Variants in SRP54 observed in about 807,000 individuals in gnomAD.
The protein encoded by SRP54 is signal recognition particle subunit SRP54.
Under a neutral mutation model 64.8 loss-of-function variants are expected in SRP54, and 10 were observed. The ratio of observed to expected loss-of-function variants is 0.15; its 90% CI spans 0.10 to 0.26. The LOEUF (loss-of-function observed/expected upper bound fraction) is 0.26, where lower values mean the gene tolerates loss of function less well. Among genes scored for constraint, SRP54 ranks in the 10% least tolerant of loss-of-function variants. The probability of loss-of-function intolerance (pLI) is 1.00; values close to 1 mark genes in which losing one functional copy is unlikely to be tolerated. For synonymous variants in SRP54, 193 were observed against 185.6 expected (o/e 1.04, Z -0.32); for missense variants, 325 against 613.7 (o/e 0.53, Z 4.97).
intron 1 of SRP54, among the ~76,000 whole-genome samples, chr14:34,988,211 T>C (rs1255095300): frequency 6.6e-6 from 1 of 152,070 alleles, no homozygotes; most frequent in Non-Finnish European, 1.5e-5. Flanking sequence ...AGATTCAGCA[T>C]GAAAAACAGT....
chr14:35,008,044 C>T (rs1323489659), intron 5 of SRP54, among the ~76,000 whole-genome samples: 2 of 151,926 alleles, frequency 1.3e-5, no homozygotes, highest in South Asian at 2.1e-4. Context: ...TTTACTTTAT[C>T]CTCTATGGCT....
chr14:35,000,070 G>C (rs1352946331), intron 3 of SRP54, among the ~76,000 whole-genome samples: 1 of 151,894 alleles, frequency 6.6e-6, no homozygotes, highest in Non-Finnish European at 1.5e-5. Context: ...TGGTTTCTCT[G>C]TTTCATATTT....
chr14:35,028,621 A>T (rs1018562353), intron 15 of SRP54, among the ~76,000 whole-genome samples: 2 of 152,246 alleles, frequency 1.3e-5, no homozygotes, highest in African/African-American at 4.8e-5. Context: ...GATAATATAT[A>T]TGAAGACATT....
intron 3 of SRP54, 35 bp from the exon 4 acceptor site, chr14:35,000,898 TCTC>T (rs1332837448): frequency 8.4e-7 from 1 of 1,194,114 alleles, no homozygotes; most frequent in Non-Finnish European, 1.2e-6. Flanking sequence ...TAACTGATTT[TCTC>T]CTCCCCACCC....
At chr14:35,007,499 A>T (rs1249979545) in intron 5 of SRP54, 112 bp downstream of exon 5, 2 of 285,530 alleles carry the variant, frequency 7.0e-6, no homozygotes, top group Non-Finnish European at 1.3e-5. Flanking sequence ...TGAAATATAT[A>T]TTTTATTAAT....
At chr14:34,998,950 G>A (rs1284719648) in intron 2 of SRP54, among the ~76,000 whole-genome samples, 1 of 137,626 alleles carries the variant, frequency 7.3e-6, no homozygotes, top group East Asian at 2.2e-4. Context: ...CTTGAATATT[G>A]TCTTTATTAT....
At chr14:34,993,521 A>C (rs2044016038) in intron 1 of SRP54, 1 of 151,982 alleles carries the variant, frequency 6.6e-6, no homozygotes, top group Non-Finnish European at 1.5e-5. Context: ...ATTGTACTTG[A>C]GTGAAAGTGT....
chr14:35,013,525 C>G (rs1341160467), intron 9 of SRP54, 31 bp downstream of exon 9: 3 of 1,604,076 alleles, frequency 1.9e-6, no homozygotes, highest in Admixed American at 1.7e-5. Context: ...TGTCCTCTGT[C>G]TTGGGATTAT....
At chr14:35,008,264 A>G (rs1392084459) in intron 5 of SRP54, among the ~76,000 whole-genome samples, 1 of 152,244 alleles carries the variant, frequency 6.6e-6, no homozygotes, top group African/African-American at 2.4e-5. Flanking sequence ...TGTCTCAACA[A>G]TATTACAAGA....
chr14:35,017,380 G>T (rs1188634464), intron 11 of SRP54, among the ~76,000 whole-genome samples: 2 of 152,124 alleles, frequency 1.3e-5, no homozygotes, highest in East Asian at 3.8e-4. Context: ...ATATTTAAGT[G>T]TTTTCTGCCT....
At chr14:35,024,128 A>G (rs2044581259) in intron 14 of SRP54, among the ~76,000 whole-genome samples, 1 of 152,114 alleles carries the variant, frequency 6.6e-6, no homozygotes, top group Non-Finnish European at 1.5e-5. Flanking sequence ...CCCAGGCTCA[A>G]ACAATTCTCC....
At chr14:34,987,085 A>G (rs2043906676) in intron 1 of SRP54, among the ~76,000 whole-genome samples, 1 of 150,642 alleles carries the variant, frequency 6.6e-6, no homozygotes, top group Non-Finnish European at 1.5e-5. Flanking sequence ...ACAAAAAATT[A>G]GCCGAGCATG....
At chr14:35,013,609 T>C in intron 9 of SRP54, 115 bp downstream of exon 9, 1 of 1,292,594 alleles carries the variant, frequency 7.7e-7, no homozygotes, top group South Asian at 1.5e-5. Context: ...CCTAATATGG[T>C]TTATAAAGAA....
Position 35,029,148 on chromosome 14 carries a change from T to A in SRP54, c.1511T>A (p.Met504Lys). The change falls in exon 16 of 16, where the codon ATG becomes AAG. Residue 504 changes from methionine to lysine, a missense_variant. Physicochemically the swap from Met to Lys is moderately conservative, Grantham distance 95. Coordinates refer to ENST00000216774, the MANE Select transcript of SRP54 (RefSeq NM_003136.4). ...AAAGGCATGATGGGATTCAATAATATGTAAAGAAAATGCCTTAATATAAAC... is the reference window on the plus strand; with the variant it reads ...AAAGGCATGATGGGATTCAATAATAAGTAAAGAAAATGCCTTAATATAAAC... The part of the protein sequence containing the change: ...NMKGMMGFNN[M>K] The A allele has an allele frequency of 6.2e-7, 1 of 1,613,428 alleles. No homozygotes were observed. The highest frequency in any genetic ancestry group is 8.5e-7 in the Non-Finnish European group (1 of 1,179,638).
At chr14:35,000,147 A>T (rs1380246906) in intron 3 of SRP54, among the ~76,000 whole-genome samples, 1 of 152,192 alleles carries the variant, frequency 6.6e-6, no homozygotes, top group Non-Finnish European at 1.5e-5. Flanking sequence ...AGTTGGTAGG[A>T]CACACAGAGC....
intron 4 of SRP54, among the ~76,000 whole-genome samples, chr14:35,002,715 A>T (rs113020664): frequency 0.038 from 5,506 of 144,404 alleles, 105 homozygotes; most frequent in Middle Eastern, 0.073. Context: ...GACTACAACC[A>T]TGAGTCACTG....
At chr14:34,986,347 CTG>C (rs2138955567) in intron 1 of SRP54, among the ~76,000 whole-genome samples, 1 of 152,176 alleles carries the variant, frequency 6.6e-6, no homozygotes, top group East Asian at 1.9e-4. Flanking sequence ...TTGTGTTAAA[CTG>C]TTATATTTGA....
intron 1 of SRP54, among the ~76,000 whole-genome samples, chr14:34,995,632 A>G (rs976710836): frequency 6.6e-6 from 1 of 152,188 alleles, no homozygotes; most frequent in African/African-American, 2.4e-5. Context: ...TAATACTTTT[A>G]TAAAACAGTA....
At chr14:35,016,096 T>C (rs2044434328) in intron 11 of SRP54, among the ~76,000 whole-genome samples, 1 of 152,184 alleles carries the variant, frequency 6.6e-6, no homozygotes, top group South Asian at 2.1e-4. Context: ...ACCTCCTAAA[T>C]ATCTCCATTC....
Sources: allele counts gnomAD v4.1 joint callset (sites outside exome capture counted in the v4.1 genomes callset), GRCh38; gene constraint gnomAD v4.1.1; transcripts MANE v1.5; gene names NCBI Gene and HGNC (gene_info 2026-07-23, HGNC 2026-07-21).